The following XYLT1 variants were observed in gnomAD, a reference collection of about 807,000 sequenced individuals.
XYLT1 encodes xylosyltransferase 1.
A neutral mutation model predicts 91.3 loss-of-function variants in XYLT1; 36 were observed. That is an observed-to-expected ratio of 0.39 (90% CI 0.30 to 0.52). The LOEUF is 0.52. XYLT1 is among the 20% of genes least tolerant of loss of function. The pLI is 0.68. For missense variants in XYLT1, 1,242 were observed against 1,284.5 expected (o/e 0.97, Z 0.51); for synonymous variants, 588 against 532.0 (o/e 1.11, Z -1.45).
chr16:17,260,645 G>A (rs2033708814), intron 2 of XYLT1, among the ~76,000 whole-genome samples: 1 of 152,164 alleles, frequency 6.6e-6, no homozygotes, highest in African/African-American at 2.4e-5. Context: ...CACCCCAGCA[G>A]GTCAGCAAAC....
At chr16:17,407,356 C>T (rs1011995081) in intron 1 of XYLT1, among the ~76,000 whole-genome samples, 3 of 152,144 alleles carry the variant, frequency 2.0e-5, no homozygotes, top group Admixed American at 2.0e-4. Context: ...GGGTATAACA[C>T]AGCGTTATTT....
intron 6 of XYLT1, among the ~76,000 whole-genome samples, chr16:17,150,517 G>C (rs2031256830): frequency 6.6e-6 from 1 of 152,148 alleles, no homozygotes; most frequent in Non-Finnish European, 1.5e-5. Context: ...TACATTCTAG[G>C]CTCTGTTCTA....
intron 2 of XYLT1, among the ~76,000 whole-genome samples, chr16:17,261,387 C>G (rs2033720428): frequency 6.6e-6 from 1 of 152,146 alleles, no homozygotes; most frequent in Non-Finnish European, 1.5e-5. Context: ...CTATGACTTT[C>G]ATTTTGCAGA....
intron 10 of XYLT1, among the ~76,000 whole-genome samples, chr16:17,123,457 T>C (rs1208982050): frequency 6.6e-6 from 1 of 152,216 alleles, no homozygotes; most frequent in African/African-American, 2.4e-5. Flanking sequence ...GCAAGTTATT[T>C]AGTTTCCATG....
chr16:17,453,345 G>A (rs779858843), intron 1 of XYLT1, among the ~76,000 whole-genome samples: 10 of 152,156 alleles, frequency 6.6e-5, no homozygotes, highest in African/African-American at 1.4e-4. Context: ...GGAGAAGAAC[G>A]GACAGGACTC....
At chr16:17,242,020 C>T (rs953653658) in intron 3 of XYLT1, among the ~76,000 whole-genome samples, 1 of 152,194 alleles carries the variant, frequency 6.6e-6, no homozygotes, top group Non-Finnish European at 1.5e-5. Flanking sequence ...TGGGGAACTC[C>T]TCTTTATAAA....
intron 3 of XYLT1, among the ~76,000 whole-genome samples, chr16:17,224,220 T>C (rs2033023174): frequency 1.3e-5 from 2 of 152,196 alleles, no homozygotes. Flanking sequence ...CCACATTCTA[T>C]CAGCGACAAG....
At chr16:17,458,211 T>C (rs1251778498) in intron 1 of XYLT1, among the ~76,000 whole-genome samples, 2 of 152,220 alleles carry the variant, frequency 1.3e-5, no homozygotes, top group Non-Finnish European at 2.9e-5. Context: ...CCTTTTGAAT[T>C]GCTGCTAACG....
chr16:17,173,587 A>G (rs1271212751), intron 5 of XYLT1, among the ~76,000 whole-genome samples: 1 of 152,278 alleles, frequency 6.6e-6, no homozygotes, highest in Non-Finnish European at 1.5e-5. Context: ...CAATGCACAC[A>G]GGGACAAAGG....
rs2036347584 is a variant in XYLT1, at chr16:17,428,559, C to T, written c.363+41875G>A. On this transcript the variant is annotated intron_variant, in intron 1 of 11. Coordinates refer to ENST00000261381, the MANE Select transcript of XYLT1 (RefSeq NM_022166.4). ...CTGATTACAAATGCATAATTATTTA[C>T]AGTCATAATGATGATCATCAAAAGT... Among the ~76,000 whole-genome samples, 3 of 152,146 alleles carry T rather than the reference C, an allele frequency of 2.0e-5. No homozygotes were observed. The South Asian group carries it at 6.2e-4, about 32-fold the overall frequency.
chr16:17,386,897 G>A (rs2141888698), intron 1 of XYLT1, among the ~76,000 whole-genome samples: 1 of 152,304 alleles, frequency 6.6e-6, no homozygotes, highest in Admixed American at 6.5e-5. Flanking sequence ...ACTCACCCAT[G>A]TCAAAAGATG....
At chr16:17,271,306 G>C (rs1417859647) in intron 2 of XYLT1, among the ~76,000 whole-genome samples, 4 of 152,072 alleles carry the variant, frequency 2.6e-5, no homozygotes, top group Non-Finnish European at 5.9e-5. Context: ...AGAGAGAAAG[G>C]GGGTGTGGTA....
chr16:17,407,094 G>A (rs866611435), intron 1 of XYLT1, among the ~76,000 whole-genome samples: 9 of 151,948 alleles, frequency 5.9e-5, no homozygotes, highest in East Asian at 3.9e-4. Context: ...CTCTGCCTCC[G>A]GAGTTCAAGC....
chr16:17,176,953 G>A (rs1367607082), intron 5 of XYLT1, among the ~76,000 whole-genome samples: 1 of 151,878 alleles, frequency 6.6e-6, no homozygotes, highest in Non-Finnish European at 1.5e-5. Flanking sequence ...TTGCTTATAG[G>A]ATAAGCTTGG....
chr16:17,421,256 A>C (rs974126899), intron 1 of XYLT1, among the ~76,000 whole-genome samples: 1 of 152,194 alleles, frequency 6.6e-6, no homozygotes, highest in Non-Finnish European at 1.5e-5. Flanking sequence ...GAATCACTAC[A>C]AGGCTCCTGA....
In XYLT1 at chr16:17,121,506, T is replaced by A. The variant is rs536151553; in HGVS notation, c.2224-3527A>T. ...TACATATTCAAATTCAAGCTTAACA[T>A]ACTGCTCCCTGGCTTCCAACCAACC... On this transcript the variant is annotated intron_variant, in intron 10 of 11. Coordinates refer to ENST00000261381, the MANE Select transcript of XYLT1 (RefSeq NM_022166.4). Among the ~76,000 whole-genome samples, 113 of 152,316 alleles carry A rather than the reference T, an allele frequency of 7.4e-4. 1 individual carries two copies. The highest frequency in any genetic ancestry group is 2.5e-3 in the African/African-American group (106 of 41,574).
chr16:17,428,570 A>G (rs923703893), intron 1 of XYLT1, among the ~76,000 whole-genome samples: 7 of 152,190 alleles, frequency 4.6e-5, no homozygotes, highest in African/African-American at 1.7e-4. Flanking sequence ...AGTCATAATG[A>G]TGATCATCAA....
intron 2 of XYLT1, among the ~76,000 whole-genome samples, chr16:17,337,767 CA>C: frequency 8.0e-6 from 1 of 124,520 alleles, no homozygotes; most frequent in African/African-American, 3.0e-5. Context: ...GTCTGTTCCA[CA>C]TTTTTTCTTT....
chr16:17,390,211 G>A (rs987673508), intron 1 of XYLT1, among the ~76,000 whole-genome samples: 1 of 152,072 alleles, frequency 6.6e-6, no homozygotes, highest in Non-Finnish European at 1.5e-5. Flanking sequence ...ATAGGGCCCT[G>A]AGCCGAACCA....
Sources: gnomAD v4.1 joint callset for allele counts (sites outside exome capture counted in the v4.1 genomes callset) on GRCh38, gnomAD v4.1.1 for gene constraint, MANE v1.5 for transcripts, NCBI Gene and HGNC (gene_info 2026-07-23, HGNC 2026-07-21) for gene names.